Variants in NRG3 observed in about 807,000 individuals in gnomAD.
NRG3 encodes the protein neuregulin 3.
NRG3 carries 31 observed loss-of-function variants against 66.9 expected under a neutral mutation model. The ratio of observed to expected loss-of-function variants is 0.46; its 90% CI spans 0.35 to 0.63. The LOEUF (loss-of-function observed/expected upper bound fraction) is 0.63, where lower values mean the gene tolerates loss of function less well. NRG3 is among the 20% of genes least tolerant of loss of function. The probability of loss-of-function intolerance (pLI) is 0.00; values close to 1 mark genes in which losing one functional copy is unlikely to be tolerated. For synonymous variants in NRG3, 393 were observed against 359.4 expected (o/e 1.09, Z -1.06); for missense variants, 910 against 878.9 (o/e 1.04, Z -0.45).
chr10:82,686,045 T>C (rs1245644910), intron 2 of NRG3, among the ~76,000 whole-genome samples: 1 of 152,172 alleles, frequency 6.6e-6, no homozygotes, highest in Non-Finnish European at 1.5e-5. Context: ...TTTAATACCG[T>C]GTACTCAGAA....
intron 2 of NRG3, among the ~76,000 whole-genome samples, chr10:82,400,217 A>T (rs1024513261): frequency 6.6e-6 from 1 of 152,158 alleles, no homozygotes; most frequent in Non-Finnish European, 1.5e-5. Context: ...TTAGTAATAA[A>T]ATCTGAAAAT....
chr10:81,990,555 T>C (rs771155908), intron 1 of NRG3, among the ~76,000 whole-genome samples: 9 of 152,178 alleles, frequency 5.9e-5, no homozygotes, highest in Non-Finnish European at 8.8e-5. Flanking sequence ...CCATAAGATA[T>C]TGGTGCAGTA....
chr10:82,729,443 A>AT (rs200205407), intron 2 of NRG3, among the ~76,000 whole-genome samples: 27 of 151,766 alleles, frequency 1.8e-4, no homozygotes, highest in African/African-American at 5.1e-4. Flanking sequence ...CTAAAAATAG[A>AT]TTTTTTTTTA....
intron 4 of NRG3, among the ~76,000 whole-genome samples, chr10:82,895,049 C>T (rs1392349494): frequency 2.6e-5 from 4 of 152,130 alleles, no homozygotes; most frequent in Non-Finnish European, 5.9e-5. Context: ...TAGCTTCATC[C>T]GTGTGCCTGC....
intron 4 of NRG3, among the ~76,000 whole-genome samples, chr10:82,935,454 A>C (rs111476184): frequency 6.6e-6 from 1 of 152,338 alleles, no homozygotes; most frequent in East Asian, 1.9e-4. Flanking sequence ...ATAAATGTCC[A>C]TATGACTTTA....
At chr10:82,649,726 T>C (rs2133878763) in intron 2 of NRG3, among the ~76,000 whole-genome samples, 1 of 152,030 alleles carries the variant, frequency 6.6e-6, no homozygotes, top group Admixed American at 6.5e-5. Context: ...AGTGCTGGGA[T>C]TATAGGCATG....
At chr10:82,103,862 G>C (rs2066903519) in intron 1 of NRG3, among the ~76,000 whole-genome samples, 1 of 151,850 alleles carries the variant, frequency 6.6e-6, no homozygotes, top group African/African-American at 2.4e-5. Flanking sequence ...TGAGAAAAAA[G>C]AAGAGGGAAA....
At chr10:82,132,333 C>T (rs547296035) in intron 1 of NRG3, among the ~76,000 whole-genome samples, 19 of 149,822 alleles carry the variant, frequency 1.3e-4, no homozygotes, top group South Asian at 2.1e-4. Context: ...ATGATGTTAT[C>T]GTGTTGATTG....
intron 2 of NRG3, among the ~76,000 whole-genome samples, chr10:82,550,899 C>G (rs558290808): frequency 4.8e-4 from 73 of 152,252 alleles, no homozygotes; most frequent in African/African-American, 1.7e-3. Context: ...AAATGTACCT[C>G]CATACCTGGG....
At chr10:82,920,264 A>G (rs1846296851) in intron 4 of NRG3, among the ~76,000 whole-genome samples, 1 of 152,182 alleles carries the variant, frequency 6.6e-6, no homozygotes, top group African/African-American at 2.4e-5. Flanking sequence ...TTCTGAAATC[A>G]TATCATATAT....
At chr10:82,437,768 C>T (rs1010536483) in intron 2 of NRG3, among the ~76,000 whole-genome samples, 6 of 152,030 alleles carry the variant, frequency 3.9e-5, no homozygotes, top group Non-Finnish European at 8.8e-5. Flanking sequence ...TTGTTGCTTT[C>T]TTCTGGTTTG....
intron 1 of NRG3, among the ~76,000 whole-genome samples, chr10:82,162,299 A>C (rs984305038): frequency 6.6e-6 from 1 of 152,110 alleles, no homozygotes; most frequent in South Asian, 2.1e-4. Flanking sequence ...TTTATACATA[A>C]AAGTGTCAAA....
intron 1 of NRG3, among the ~76,000 whole-genome samples, chr10:82,117,187 C>CG (rs2067780618): frequency 6.6e-6 from 1 of 152,148 alleles, no homozygotes; most frequent in Non-Finnish European, 1.5e-5. Flanking sequence ...AATAGTTCCT[C>CG]CCTACATTAC....
chr10:82,177,803 AAAAG>A (rs1218786265), intron 1 of NRG3, among the ~76,000 whole-genome samples: 1 of 151,978 alleles, frequency 6.6e-6, no homozygotes, highest in African/African-American at 2.4e-5. Context: ...GGGATAAACT[AAAAG>A]AAAGATTAAT....
At chr10:82,966,105 T>G (rs572044358) in intron 6 of NRG3, among the ~76,000 whole-genome samples, 193 of 152,282 alleles carry the variant, frequency 1.3e-3, no homozygotes, top group Non-Finnish European at 2.2e-3. Flanking sequence ...TGTATATTAG[T>G]AGGGCACAAT....
intron 2 of NRG3, among the ~76,000 whole-genome samples, chr10:82,591,963 C>T (rs1166919788): frequency 6.6e-6 from 1 of 152,154 alleles, no homozygotes; most frequent in African/African-American, 2.4e-5. Context: ...TTCTCCAGTG[C>T]CAACAAAGCA....
chr10:82,724,521 G>T (rs1591318154), intron 2 of NRG3, among the ~76,000 whole-genome samples: 1 of 152,168 alleles, frequency 6.6e-6, no homozygotes, highest in Non-Finnish European at 1.5e-5. Context: ...TTGAATGAGG[G>T]TTTGGCAACT....
At chr10:82,074,036 G>C (rs950142350) in intron 1 of NRG3, among the ~76,000 whole-genome samples, 1 of 151,608 alleles carries the variant, frequency 6.6e-6, no homozygotes, top group South Asian at 2.1e-4. Flanking sequence ...TATGAAAAGA[G>C]AGATACAGCA....
chr10:82,166,778 A>C, intron 1 of NRG3: 1 of 685,518 alleles, frequency 1.5e-6, no homozygotes, highest in Non-Finnish European at 2.7e-6. Context: ...GACTTGCTTT[A>C]ACATTTCAAG....
Sources: gnomAD v4.1 joint callset for allele counts (sites outside exome capture counted in the v4.1 genomes callset) on GRCh38, gnomAD v4.1.1 for gene constraint, MANE v1.5 for transcripts, NCBI Gene and HGNC (gene_info 2026-07-23, HGNC 2026-07-21) for gene names.